ATP8B1: variants seen among roughly 807,000 people sequenced by gnomAD.
The protein encoded by ATP8B1 is phospholipid-transporting ATPase IC.
In ATP8B1, 80 loss-of-function variants were observed where a neutral mutation model predicts 149.9. That is an observed-to-expected ratio of 0.53 (90% CI 0.45 to 0.64). The LOEUF (loss-of-function observed/expected upper bound fraction) is 0.64. ATP8B1 is among the 30% of genes least tolerant of loss of function. The pLI is 0.00. For synonymous variants in ATP8B1, 536 were observed against 562.8 expected, an observed-to-expected ratio of 0.95 and a Z score of 0.67; for missense variants, 1,247 against 1,552.6, an observed-to-expected ratio of 0.80 and a Z score of 3.31.
intron 21 of ATP8B1, among the ~76,000 whole-genome samples, 184 bp from the exon 22 acceptor site, chr18:57,661,646 CGCACACATATATGTATGTGTGTATGTAT>C (rs1172215488): frequency 3.1e-5 from 4 of 129,452 alleles, no homozygotes; most frequent in Non-Finnish European, 6.6e-5. Context: ...TATATACACA[CGCACACATATATGTATGTGTGTATGTAT>C]ATACACACAC....
At chr18:57,653,144 T>C (rs1599068368) in intron 24 of ATP8B1, among the ~76,000 whole-genome samples, 2 of 152,308 alleles carry the variant, frequency 1.3e-5, no homozygotes, top group Admixed American at 1.3e-4. Context: ...TGCTTCTTTC[T>C]TTTTAAGAAT....
chr18:57,657,522 A>G (rs1019848367), intron 22 of ATP8B1, among the ~76,000 whole-genome samples: 2 of 152,350 alleles, frequency 1.3e-5, no homozygotes, highest in Admixed American at 1.3e-4. Context: ...GTTACAGAAC[A>G]CAAGGTCTGG....
At chr18:57,740,079 GT>G (rs1468295216) in intron 1 of ATP8B1, among the ~76,000 whole-genome samples, 1 of 152,012 alleles carries the variant, frequency 6.6e-6, no homozygotes, top group African/African-American at 2.4e-5. Context: ...TGGTAGTTTT[GT>G]TTTTTGTTTT....
chr18:57,708,498 A>T (rs1913529486), intron 2 of ATP8B1: 1 of 152,236 alleles, frequency 6.6e-6, no homozygotes, highest in South Asian at 2.1e-4. Context: ...GGTACTCTTG[A>T]ATCCATTCTA....
At chr18:57,746,869 T>G (rs1309838717) in intron 1 of ATP8B1, among the ~76,000 whole-genome samples, 3 of 152,190 alleles carry the variant, frequency 2.0e-5, no homozygotes, top group African/African-American at 7.2e-5. Flanking sequence ...GAATCCACTG[T>G]GCATGGTGCA....
chr18:57,779,020 C>T (rs1238925179), intron 1 of ATP8B1, among the ~76,000 whole-genome samples: 2 of 151,944 alleles, frequency 1.3e-5, no homozygotes, highest in East Asian at 1.9e-4. Flanking sequence ...TTTTATGGAC[C>T]AAGCATAAGA....
intron 16 of ATP8B1, among the ~76,000 whole-genome samples, chr18:57,674,467 C>T (rs936054193): frequency 2.2e-4 from 32 of 146,974 alleles, no homozygotes; most frequent in African/African-American, 7.7e-4. Context: ...TCACTGCAAG[C>T]TCTGCCTCCC....
chr18:57,666,224 A>G (rs1223651164), intron 20 of ATP8B1, among the ~76,000 whole-genome samples: 3 of 152,168 alleles, frequency 2.0e-5, no homozygotes, highest in Admixed American at 1.3e-4. Flanking sequence ...GCTTCAGAAC[A>G]AGACAGGGCT....
intron 1 of ATP8B1, among the ~76,000 whole-genome samples, chr18:57,796,992 A>G (rs1371183906): frequency 6.6e-6 from 1 of 152,222 alleles, no homozygotes; most frequent in Non-Finnish European, 1.5e-5. Flanking sequence ...TCATGCACAG[A>G]AATCTCAGAG....
rs146599962 is a variant in ATP8B1, at chr18:57,731,674, T to G, written c.134A>C (p.Asn45Thr). The change falls in exon 2 of 28, where the codon AAC becomes ACC. Residue 45 changes from asparagine (N) to threonine (T), a missense_variant. Around this residue, in one of 3 missense-constraint regions of ATP8B1, gnomAD observed 853 missense variants for 1,035.7 expected, o/e 0.82. Coordinates refer to ENST00000648908, the MANE Select transcript of ATP8B1 (RefSeq NM_001374385.1). ...CTCCTCTGCTTCCCTGTTGACTCGG[T>G]TTTGTTCTGGTTCAACAGCAGACCC... is the stretch of plus-strand genomic sequence containing the variant. ...DQGSAVEPEQ[N>T]RVNREAEENR... 4.8e-3 allele frequency: 7,709 copies of G among 1,614,060 alleles called. 29 individuals carry two copies. The highest frequency in any genetic ancestry group is 5.5e-3 in the Non-Finnish European group (6,517 of 1,180,002).
intron 2 of ATP8B1, among the ~76,000 whole-genome samples, chr18:57,719,709 G>A (rs2079621417): frequency 6.6e-6 from 1 of 152,352 alleles, no homozygotes; most frequent in African/African-American, 2.4e-5. Flanking sequence ...GCCCAGGCTT[G>A]CTTAGGTAAA....
intron 15 of ATP8B1, among the ~76,000 whole-genome samples, chr18:57,682,847 G>GT (rs529618123): frequency 2.7e-4 from 41 of 150,774 alleles, no homozygotes; most frequent in African/African-American, 4.4e-4. Context: ...GGTGTTTTTT[G>GT]TTTTTTTTTG....
At chr18:57,707,697 C>T (rs1051966734) in intron 2 of ATP8B1, among the ~76,000 whole-genome samples, 10 of 151,276 alleles carry the variant, frequency 6.6e-5, no homozygotes, top group South Asian at 2.1e-4. Context: ...TTAGTAGAGA[C>T]GGGGTTTCAC....
chr18:57,685,588 C>CTTT (rs1456776455), intron 13 of ATP8B1, among the ~76,000 whole-genome samples: 25 of 152,064 alleles, frequency 1.6e-4, no homozygotes, highest in Admixed American at 1.6e-3. Flanking sequence ...TCTAAATTTA[C>CTTT]ATAAAATTAA....
Position 57,661,322 on chromosome 18 carries a change from A to G in ATP8B1, c.2559T>C (p.Phe853=), listed in dbSNP as rs1255632333. The change falls in exon 22 of 28, where the codon TTT becomes TTC. Residue 853 remains phenylalanine, a synonymous_variant. Coordinates refer to ENST00000648908, the MANE Select transcript of ATP8B1 (RefSeq NM_001374385.1). ...CGCTGCACTCGCAGGCCAGGTCCAC[A>G]AAGTTTTTCTGCCGCTGCTCTTTCT... is the stretch of plus-strand genomic sequence containing the variant. ...EAKKEQRQKN[F]VDLACECSAV... 1.2e-6 allele frequency: 2 copies of G among 1,613,852 alleles called. No homozygotes were observed. Among genetic ancestry groups the G allele is most frequent in the African/African-American group, 1.3e-5 (1 of 74,854 alleles).
At chr18:57,783,334 G>A (rs1425867488) in intron 1 of ATP8B1, among the ~76,000 whole-genome samples, 4 of 152,210 alleles carry the variant, frequency 2.6e-5, no homozygotes, top group African/African-American at 9.6e-5. Flanking sequence ...GTTCTAACAT[G>A]CTTACTGTGG....
chr18:57,740,010 A>G (rs1426815899), intron 1 of ATP8B1, among the ~76,000 whole-genome samples: 1 of 152,038 alleles, frequency 6.6e-6, no homozygotes, highest in African/African-American at 2.4e-5. Flanking sequence ...CCCACTACCT[A>G]TTTTTTTAGA....
At position 57,652,167 on chromosome 18, in the gene ATP8B1, G is replaced by C. The variant is rs768403395; in HGVS notation, c.3267C>G (p.Gly1089=). ...ALVITVNFQI[G]LDTSYWTFVN... is the part of the protein sequence containing the mutation. ...CAAAAGTCCAATAAGAAGTATCCAA[G>C]CCAATCTGTTGGGAAACCAGAGAAA... is the stretch of plus-strand genomic sequence containing the variant. Residue 1089 remains glycine (G), a synonymous_variant, in exon 26 of 28, where the codon GGC becomes GGG. Transcript: ENST00000648908. The C allele has an allele frequency of 6.2e-7, 1 of 1,614,088 alleles. No homozygotes were observed.
intron 22 of ATP8B1, among the ~76,000 whole-genome samples, chr18:57,658,928 C>T (rs765894029): frequency 6.6e-6 from 1 of 152,066 alleles, no homozygotes; most frequent in South Asian, 2.1e-4. Context: ...TCTAAGGAGA[C>T]CCCTAAAGTT....
Sources: allele counts gnomAD v4.1 joint callset (sites outside exome capture counted in the v4.1 genomes callset), GRCh38; gene constraint gnomAD v4.1.1; regional missense constraint gnomAD v4.1.1; transcripts MANE v1.5; gene names NCBI Gene and HGNC (gene_info 2026-07-23, HGNC 2026-07-21).